The following FAAH2 variants were observed in gnomAD, a reference collection of about 807,000 sequenced individuals.
FAAH2 encodes the protein fatty acid amide hydrolase 2.
Under a neutral mutation model 36.9 loss-of-function variants are expected in FAAH2, and 60 were observed. The observed-to-expected ratio is 1.63, with a 90% CI of 1.32 to 2.02. The LOEUF (loss-of-function observed/expected upper bound fraction) is 2.02, where lower values mean the gene tolerates loss of function less well. FAAH2 is among the 30% of genes most tolerant of loss of function. The pLI, the probability that FAAH2 is intolerant of heterozygous loss-of-function variation, is 0.00. For missense variants in FAAH2, 689 were observed against 397.5 expected (o/e 1.73, Z -6.23); for synonymous variants, 214 against 143.8 (o/e 1.49, Z -3.49).
intron 7 of FAAH2, among the ~76,000 whole-genome samples, chrX:57,400,747 C>G (rs757306762): frequency 8.9e-6 from 1 of 112,311 alleles, no homozygotes; most frequent in Non-Finnish European, 1.9e-5. Flanking sequence ...TAATTTTAGA[C>G]CTAAGAATTT....
the FAAH2 span, among the ~76,000 whole-genome samples, chrX:57,152,984 C>T: frequency 7.3e-5 from 8 of 109,685 alleles, no homozygotes; most frequent in East Asian, 1.1e-3. Flanking sequence ...CCACTATTAT[C>T]GTCTTGCTAT....
At chrX:57,198,025 T>C in the FAAH2 span, among the ~76,000 whole-genome samples, 1 of 111,967 alleles carries the variant, frequency 8.9e-6, no homozygotes, top group Non-Finnish European at 1.9e-5. Context: ...AGGGTAGTGC[T>C]TTCAAGGGAG....
chrX:57,224,667 G>A, the FAAH2 span, among the ~76,000 whole-genome samples: 1 of 112,333 alleles, frequency 8.9e-6, no homozygotes, highest in East Asian at 2.8e-4. Flanking sequence ...GAACAATGTA[G>A]CAGTTACGTC....
chrX:57,216,554 ATATATATATACG>A, the FAAH2 span, among the ~76,000 whole-genome samples: 5 of 39,734 alleles, frequency 1.3e-4, no homozygotes, highest in African/African-American at 3.7e-4. Context: ...GTATATGTAT[ATATATATATACG>A]TATATGTATA....
chrX:57,220,705 C>T, the FAAH2 span, among the ~76,000 whole-genome samples: 1 of 112,189 alleles, frequency 8.9e-6, no homozygotes, highest in Non-Finnish European at 1.9e-5. Flanking sequence ...TCCACCTCCA[C>T]CTGGCGCCTA....
At chrX:57,468,838 C>G (rs1345339030) in intron 10 of FAAH2, among the ~76,000 whole-genome samples, 3 of 111,563 alleles carry the variant, frequency 2.7e-5, no homozygotes, top group Non-Finnish European at 3.8e-5. Flanking sequence ...ATATTAAGGG[C>G]AGCCAGAGAG....
At chrX:57,299,553 G>T (rs1009109108) in intron 2 of FAAH2, among the ~76,000 whole-genome samples, 2 of 111,666 alleles carry the variant, frequency 1.8e-5, no homozygotes, top group Non-Finnish European at 3.8e-5. Context: ...CACAAGACAG[G>T]GATGCCCTCT....
chrX:57,133,939 C>A, the FAAH2 span, among the ~76,000 whole-genome samples: 9 of 111,437 alleles, frequency 8.1e-5, no homozygotes, highest in African/African-American at 2.3e-4. Flanking sequence ...CAACTCCTGG[C>A]AGCTCCTTGC....
chrX:57,402,860 A>T (rs1361696922), intron 7 of FAAH2, among the ~76,000 whole-genome samples: 1 of 111,841 alleles, frequency 8.9e-6, no homozygotes, highest in African/African-American at 3.2e-5. Flanking sequence ...TTCTGTGGGG[A>T]ACTATTCTCT....
the FAAH2 span, among the ~76,000 whole-genome samples, chrX:57,250,701 A>G: frequency 9.0e-6 from 1 of 110,714 alleles, no homozygotes; most frequent in African/African-American, 3.3e-5. Context: ...ACAGAATTAC[A>G]AAAGTTCACA....
the FAAH2 span, among the ~76,000 whole-genome samples, chrX:57,200,314 A>G: frequency 9.1e-6 from 1 of 109,323 alleles, no homozygotes; most frequent in Non-Finnish European, 1.9e-5. Flanking sequence ...CAACTTTAAC[A>G]CTGTTTGCAT....
the FAAH2 span, among the ~76,000 whole-genome samples, chrX:57,167,798 G>T: frequency 1.8e-5 from 2 of 111,102 alleles, no homozygotes; most frequent in East Asian, 5.6e-4. Context: ...ATAGTGGTAG[G>T]AGCATTTACC....
chrX:57,138,306 ATGT>A, the FAAH2 span, among the ~76,000 whole-genome samples: 1 of 111,660 alleles, frequency 9.0e-6, no homozygotes, highest in Non-Finnish European at 1.9e-5. Flanking sequence ...TTTCAGTTAC[ATGT>A]TGTAGGACAA....
intron 10 of FAAH2, among the ~76,000 whole-genome samples, chrX:57,469,005 A>C (rs2057105738): frequency 9.0e-6 from 1 of 111,499 alleles, no homozygotes; most frequent in Admixed American, 9.6e-5. Flanking sequence ...ACTAAGCTTC[A>C]TAAGTGAAGG....
chrX:57,316,652 G>A (rs2052848226), intron 3 of FAAH2, among the ~76,000 whole-genome samples: 1 of 111,164 alleles, frequency 9.0e-6, no homozygotes, highest in Non-Finnish European at 1.9e-5. Flanking sequence ...ACATGGTGCT[G>A]GGATAACTCA....
chrX:57,317,843 C>T (rs980588156), intron 3 of FAAH2, among the ~76,000 whole-genome samples: 1 of 111,702 alleles, frequency 9.0e-6, no homozygotes, highest in Non-Finnish European at 1.9e-5. Context: ...AATCAAATTA[C>T]AACTAAGGAT....
intron 2 of FAAH2, among the ~76,000 whole-genome samples, chrX:57,308,840 T>A (rs2052615209): frequency 9.0e-6 from 1 of 111,611 alleles, no homozygotes; most frequent in African/African-American, 3.2e-5. Flanking sequence ...TAGATAGATA[T>A]TATTGTCCCC....
At chrX:57,320,822 A>G (rs1303383881) in intron 3 of FAAH2, among the ~76,000 whole-genome samples, 2 of 112,654 alleles carry the variant, frequency 1.8e-5, no homozygotes, top group East Asian at 5.6e-4. Context: ...TATGTACACC[A>G]TGCAATATTA....
chrX:57,255,879 C>T, the FAAH2 span, among the ~76,000 whole-genome samples: 1 of 111,420 alleles, frequency 9.0e-6, no homozygotes, highest in Non-Finnish European at 1.9e-5. Flanking sequence ...AAAAGGATGC[C>T]CTCTCTCACC....
Sources: gnomAD v4.1 joint callset for allele counts (sites outside exome capture counted in the v4.1 genomes callset) on GRCh38, gnomAD v4.1.1 for gene constraint, MANE v1.5 for transcripts, NCBI Gene and HGNC (gene_info 2026-07-23, HGNC 2026-07-21) for gene names.